The following PLA2G2F variants were observed in gnomAD, a reference collection of about 807,000 sequenced individuals.
The protein encoded by PLA2G2F is group IIF secretory phospholipase A2.
PLA2G2F carries 17 observed loss-of-function variants against 15.9 expected under a neutral mutation model. The observed-to-expected ratio is 1.07, with a 90% CI of 0.73 to 1.60. The LOEUF is 1.60. Among genes scored for constraint, PLA2G2F ranks in the 40% most tolerant of loss-of-function variants. The pLI, the probability that PLA2G2F is intolerant of heterozygous loss-of-function variation, is 0.00. For missense variants in PLA2G2F, 299 were observed against 278.2 expected (o/e 1.07, Z -0.53); for synonymous variants, 119 against 106.5 (o/e 1.12, Z -0.72).
intron 2 of PLA2G2F, 128 bp from the exon 3 acceptor site, chr1:20,143,317 CT>C: frequency 8.0e-7 from 1 of 1,249,034 alleles, no homozygotes; most frequent in Non-Finnish European, 1.1e-6. Flanking sequence ...TCCTCTCCTG[CT>C]TTCTCCTTCC....
intron 4 of PLA2G2F, 119 bp from the exon 5 acceptor site, chr1:20,148,071 T>A (rs1273468520): frequency 3.6e-6 from 3 of 836,324 alleles, no homozygotes; most frequent in Non-Finnish European, 6.1e-6. Flanking sequence ...GCCGCCCAGG[T>A]AACACATTCC....
rs2100698381 is a variant in PLA2G2F at position 20,148,656 on chromosome 1, C to T, written c.*255C>T. The T allele has an allele frequency of 1.9e-6, 1 of 539,670 alleles. No homozygotes were observed. Among genetic ancestry groups the T allele is most frequent in the Non-Finnish European group, 3.3e-6 (1 of 302,088 alleles). 33.4% of individuals were successfully genotyped at this position (539,670 alleles called of 1,614,324 possible). On this transcript the variant is annotated 3_prime_UTR_variant, in exon 5 of 5. Coordinates refer to ENST00000375102, the MANE Select transcript of PLA2G2F (RefSeq NM_022819.4). ...GGAGGCACGGAGCTTATAGGGGTCT[C>T]TCCTGAGGGTGGCCGGGGAGACCTG...
intron 1 of PLA2G2F, 92 bp downstream of exon 1, chr1:20,139,635 T>C: frequency 1.0e-6 from 1 of 1,001,836 alleles, no homozygotes; most frequent in Non-Finnish European, 1.4e-6. Context: ...CTCCTAAGAG[T>C]CCACGTGGTG....
In PLA2G2F at chr1:20,149,445, G is replaced by A. The variant is rs2017685383; in HGVS notation, c.*1044G>A. 6.6e-6 allele frequency: 1 copy of A among 152,222 alleles called. No homozygotes were observed. Among genetic ancestry groups the A allele is most frequent in the Admixed American group, 6.5e-5 (1 of 15,290 alleles). 9.4% of individuals were successfully genotyped at this position (152,222 alleles called of 1,614,324 possible). ...GTGGGCAGGCGTCACAAGTCCCATTGGTGGGGAAGAGGCTGAGGGCTGAGA... is the reference window on the plus strand; with the variant it reads ...GTGGGCAGGCGTCACAAGTCCCATTAGTGGGGAAGAGGCTGAGGGCTGAGA... On this transcript the variant is annotated 3_prime_UTR_variant, in exon 5 of 5. Transcript: ENST00000375102.
intron 2 of PLA2G2F, chr1:20,142,860 G>A (rs2017505037): frequency 6.6e-6 from 1 of 152,526 alleles, no homozygotes; most frequent in African/African-American, 2.4e-5. Flanking sequence ...ACCAGGAAGG[G>A]ACCCAGAATC....
chr1:20,147,473 A>G (rs2017636237), intron 4 of PLA2G2F, among the ~76,000 whole-genome samples: 1 of 149,352 alleles, frequency 6.7e-6, no homozygotes, highest in African/African-American at 2.5e-5. Context: ...TTTAAGATGA[A>G]GTTTCGCTCT....
chr1:20,144,752 G>A, intron 4 of PLA2G2F, 63 bp downstream of exon 4: 1 of 1,362,580 alleles, frequency 7.3e-7, no homozygotes, highest in South Asian at 1.2e-5. Flanking sequence ...ACCAGCCTGT[G>A]CTGGGATGGT....
chr1:20,148,329 C>T lies in PLA2G2F; in HGVS notation c.564C>T (p.Cys188=). The change falls in exon 5 of 5, where the codon TGC becomes TGT. Residue 188 remains cysteine, a synonymous_variant. Transcript: ENST00000375102. Reference sequence around the variant, plus strand: ...ACTGCCAGGGCCCCACGCCCAACTGCAGCATCTATGAACCGCCCCCTGAGG... The same window carrying T: ...ACTGCCAGGGCCCCACGCCCAACTGTAGCATCTATGAACCGCCCCCTGAGG... ...NVYCQGPTPN[C]SIYEPPPEEV... 6.2e-7 allele frequency: 1 copy of T among 1,614,054 alleles called. No individual in the cohort carries two copies.
In PLA2G2F at chr1:20,148,600, G is replaced by A; in HGVS notation, c.*199G>A. On this transcript the variant is annotated 3_prime_UTR_variant, in exon 5 of 5. Coordinates refer to ENST00000375102, the MANE Select transcript of PLA2G2F (RefSeq NM_022819.4). ...TCCCCCAGCCCAGCCCCAGGCATGG[G>A]TGCCTCCTGCTGCTGGTTCTGGACT... 1 of 598,574 alleles carries A rather than the reference G, an allele frequency of 1.7e-6. No homozygotes were observed. The highest frequency in any genetic ancestry group is 3.0e-6 in the Non-Finnish European group (1 of 336,840). 37.1% of individuals were successfully genotyped at this position (598,574 alleles called of 1,614,324 possible).
Position 20,149,604 on chromosome 1 carries a change from A to C in PLA2G2F, c.*1203A>C, listed in dbSNP as rs942298129. 3.9e-5 allele frequency: 6 copies of C among 152,720 alleles called. No individual in the cohort carries two copies. Among genetic ancestry groups the C allele is most frequent in the African/African-American group, 1.4e-4 (6 of 41,454 alleles). The allele number at this position is 152,720 out of a possible 1,614,324, so 9.5% of individuals were successfully genotyped here. On this transcript the variant is annotated 3_prime_UTR_variant, in exon 5 of 5. Coordinates refer to ENST00000375102, the MANE Select transcript of PLA2G2F (RefSeq NM_022819.4). ...AAGGCAGTAAGGAACAGGGTGGTGA[A>C]GGAGAGGGGAGAAGATGGGAGCATG...
intron 2 of PLA2G2F, chr1:20,142,329 G>C (rs1203362846): frequency 5.9e-5 from 9 of 152,354 alleles, no homozygotes; most frequent in Admixed American, 5.9e-4. Flanking sequence ...TCCAGCCTGT[G>C]GGACCTGGGC....
Position 20,148,439 on chromosome 1 carries a change from C to A in PLA2G2F, c.*38C>A, listed in dbSNP as rs1372899412. ...TTGAGAGAGAGAGCGGGAGGAGGGT[C>A]TGGCTTGGGGACCAGACGAGGTGCA... On this transcript the variant is annotated 3_prime_UTR_variant, in exon 5 of 5. Coordinates refer to ENST00000375102, the MANE Select transcript of PLA2G2F (RefSeq NM_022819.4). 6.4e-7 allele frequency: 1 copy of A among 1,560,638 alleles called. No individual in the cohort carries two copies. The highest frequency in any genetic ancestry group is 1.1e-5 in the South Asian group (1 of 89,782).
In PLA2G2F at chr1:20,148,365, C is replaced by T. The variant is rs141937086; in HGVS notation, c.600C>T (p.Cys200=). The change falls in exon 5 of 5, where the codon TGC becomes TGT. Residue 200 remains cysteine, a synonymous_variant. Transcript: ENST00000375102. ...IYEPPPEEVT[C]SHQSPAPPAP... ...AACCGCCCCCTGAGGAGGTCACCTG[C>T]AGTCACCAATCCCCAGCGCCCCCCG... 5 of 1,613,816 alleles carry T rather than the reference C, an allele frequency of 3.1e-6. No individual in the cohort carries two copies. In the East Asian group the frequency reaches 8.9e-5, roughly 29 times the overall value.
At chr1:20,143,756 C>A in intron 3 of PLA2G2F, 166 bp downstream of exon 3, 1 of 887,612 alleles carries the variant, frequency 1.1e-6, no homozygotes, top group Non-Finnish European at 1.7e-6. Flanking sequence ...ATGTTCTTTC[C>A]AAACTGTTTT....
chr1:20,145,218 T>C (rs536601842), intron 4 of PLA2G2F, among the ~76,000 whole-genome samples: 73 of 152,244 alleles, frequency 4.8e-4, no homozygotes, highest in African/African-American at 1.8e-3. Context: ...AACTAAATGC[T>C]AGTATAAAAT....
intron 4 of PLA2G2F, among the ~76,000 whole-genome samples, chr1:20,145,929 A>G (rs534662350): frequency 6.6e-6 from 1 of 152,298 alleles, no homozygotes; most frequent in African/African-American, 2.4e-5. Context: ...TCAACCAGGA[A>G]TCCTGTGTTT....
chr1:20,140,408 A>C, intron 2 of PLA2G2F, 190 bp downstream of exon 2: 1 of 599,594 alleles, frequency 1.7e-6, no homozygotes, highest in Non-Finnish European at 2.9e-6. Context: ...CCACCTGTAA[A>C]CATGCATTTA....
chr1:20,148,424 G>T lies in PLA2G2F; in HGVS notation c.*23G>T. On this transcript the variant is annotated 3_prime_UTR_variant, in exon 5 of 5. Transcript: ENST00000375102. ...TAGAGCCTCTGAGGTTTGAGAGAGAGAGCGGGAGGAGGGTCTGGCTTGGGG... is the reference window on the plus strand; with the variant it reads ...TAGAGCCTCTGAGGTTTGAGAGAGATAGCGGGAGGAGGGTCTGGCTTGGGG... 1 of 1,586,278 alleles carries T rather than the reference G, an allele frequency of 6.3e-7. No individual in the cohort carries two copies. The highest frequency in any genetic ancestry group is 1.3e-5 in the African/African-American group (1 of 74,522).
At chr1:20,143,623 G>A (rs768726880) in intron 3 of PLA2G2F, 33 bp downstream of exon 3, 2 of 1,606,226 alleles carry the variant, frequency 1.2e-6, no homozygotes, top group South Asian at 2.2e-5. Flanking sequence ...CCTGTCAGGG[G>A]CCAAATGAGG....
Sources: allele counts gnomAD v4.1 joint callset (sites outside exome capture counted in the v4.1 genomes callset), GRCh38; gene constraint gnomAD v4.1.1; transcripts MANE v1.5; gene names NCBI Gene and HGNC (gene_info 2026-07-23, HGNC 2026-07-21).